Variants in GABRA5 observed in about 807,000 individuals in gnomAD.
The protein encoded by GABRA5 is gamma-aminobutyric acid type A receptor subunit alpha5.
A neutral mutation model predicts 47.3 loss-of-function variants in GABRA5; 18 were observed. The ratio of observed to expected loss-of-function variants is 0.38; its 90% CI spans 0.26 to 0.56. The LOEUF (loss-of-function observed/expected upper bound fraction) is 0.56. Ranked by LOEUF, GABRA5 falls within the 20% of genes least tolerant of loss-of-function variation. The probability of loss-of-function intolerance (pLI) is 0.71; values close to 1 mark genes in which losing one functional copy is unlikely to be tolerated. For synonymous variants in GABRA5, 237 were observed against 229.3 expected (o/e 1.03, Z -0.30); for missense variants, 365 against 599.3 (o/e 0.61, Z 4.08).
chr15:26,943,466 A>T (rs1050457253), intron 10 of GABRA5, 40 bp downstream of exon 10: 6 of 1,515,512 alleles, frequency 4.0e-6, no homozygotes, highest in Non-Finnish European at 5.4e-6. Flanking sequence ...GGTCCCCTTG[A>T]CAGAGAAAGT....
intron 6 of GABRA5, among the ~76,000 whole-genome samples, chr15:26,907,262 C>T (rs556636746): frequency 4.6e-5 from 7 of 152,242 alleles, no homozygotes; most frequent in South Asian, 2.1e-4. Context: ...TAAACCAAAG[C>T]GTGGATCATT....
At chr15:26,940,961 T>C (rs945813993) in intron 9 of GABRA5, among the ~76,000 whole-genome samples, 1 of 152,248 alleles carries the variant, frequency 6.6e-6, no homozygotes. Flanking sequence ...AAAGTACGAT[T>C]CACACATCAG....
chr15:26,941,313 C>A (rs1894378743), intron 9 of GABRA5, among the ~76,000 whole-genome samples: 1 of 151,658 alleles, frequency 6.6e-6, no homozygotes, highest in South Asian at 2.1e-4. Context: ...GGTTTTTTGG[C>A]GGGGGGTGGA....
intron 6 of GABRA5, among the ~76,000 whole-genome samples, chr15:26,890,159 G>A (rs964056020): frequency 2.6e-5 from 4 of 151,996 alleles, no homozygotes; most frequent in African/African-American, 7.3e-5. Flanking sequence ...AAGCACCTAC[G>A]TATATCCTTT....
chr15:26,883,576 C>A lies in GABRA5; in HGVS notation c.497+19C>A. On this transcript the variant is annotated intron_variant, in intron 6 of 10. Coordinates refer to ENST00000335625, the MANE Select transcript of GABRA5 (RefSeq NM_000810.4). This position sits in a 1 kb window ranked among gnomAD's most constrained non-coding sequence, Gnocchi z 4.8. ...CCATGCGGTGAGCGCCGGGCGGGGG[C>A]GGGCGGGGCCGGGGGACGGTGCGGG... 2 of 495,470 alleles carry A rather than the reference C, an allele frequency of 4.0e-6. No homozygotes were observed. Among genetic ancestry groups the A allele is most frequent in the South Asian group, 1.6e-5 (1 of 60,994 alleles). 30.7% of individuals were successfully genotyped at this position (495,470 alleles called of 1,614,324 possible).
chr15:26,947,090 C>G (rs1439252384), intron 10 of GABRA5, among the ~76,000 whole-genome samples: 1 of 152,242 alleles, frequency 6.6e-6, no homozygotes, highest in Admixed American at 6.5e-5. Context: ...TAGGGCTTCC[C>G]TTATATCCAC....
chr15:26,928,995 A>G (rs2140306919), intron 7 of GABRA5, among the ~76,000 whole-genome samples: 1 of 152,264 alleles, frequency 6.6e-6, no homozygotes, highest in Middle Eastern at 3.4e-3. Context: ...TGCTAATGCC[A>G]TCATCTTGGG....
rs925044854 is a variant in GABRA5 at position 26,914,880 on chromosome 15, G to T, written c.575G>T (p.Gly192Val). ...GCGCACGCTTGCCCTCTGAAATTTG[G>T]CAGCTGTAAGTTATTTTCACAAGTA... ...MDAHACPLKFGSYAYPNSEVV... is the reference protein window; with the variant it reads ...MDAHACPLKFVSYAYPNSEVV... Residue 192 changes from glycine (G) to valine (V), a missense_variant, in exon 7 of 11, where the codon GGC becomes GTC. Physicochemically the swap from Gly to Val is moderately radical, Grantham distance 109. This residue lies in a region of GABRA5 where 216 missense variants were observed against 335.3 expected (regional missense o/e 0.64). Transcript: ENST00000335625. 1 of 1,613,472 alleles carries T rather than the reference G, an allele frequency of 6.2e-7. No individual in the cohort carries two copies. The highest frequency in any genetic ancestry group is 1.3e-5 in the African/African-American group (1 of 74,908).
At chr15:26,940,347 A>T (rs1392956473) in intron 9 of GABRA5, among the ~76,000 whole-genome samples, 3 of 152,202 alleles carry the variant, frequency 2.0e-5, no homozygotes, top group African/African-American at 7.2e-5. Context: ...CATTGCCAGC[A>T]TGTATCTGTT....
At chr15:26,937,984 T>G (rs2140582891) in intron 8 of GABRA5, among the ~76,000 whole-genome samples, 1 of 152,356 alleles carries the variant, frequency 6.6e-6, no homozygotes, top group African/African-American at 2.4e-5. Context: ...GGAGGGGATT[T>G]TGAGCTCCAA....
chr15:26,893,279 A>ATATGGCGTGTGTGTT (rs1893066082), intron 6 of GABRA5, among the ~76,000 whole-genome samples: 2 of 141,798 alleles, frequency 1.4e-5, no homozygotes, highest in Non-Finnish European at 3.0e-5. Context: ...GTGTGTGTGT[A>ATATGGCGTGTGTGTT]TGGCATATGG....
intron 8 of GABRA5, among the ~76,000 whole-genome samples, chr15:26,937,808 A>G (rs1022074355): frequency 6.6e-6 from 1 of 152,216 alleles, no homozygotes; most frequent in Admixed American, 6.5e-5. Context: ...TGCAGGGCCA[A>G]TATAGCCCCA....
chr15:26,871,862 T>G (rs1397601250), intron 3 of GABRA5, among the ~76,000 whole-genome samples: 2 of 152,256 alleles, frequency 1.3e-5, no homozygotes, highest in Admixed American at 1.3e-4. Flanking sequence ...TTTCCTGTAG[T>G]GAACGTATTT....
intron 3 of GABRA5, 36 bp downstream of exon 3, chr15:26,869,370 A>G (rs2140239684): frequency 1.6e-6 from 2 of 1,272,530 alleles, no homozygotes; most frequent in Non-Finnish European, 2.3e-6. Context: ...TTATGATGTT[A>G]GGGACACTGG....
chr15:26,870,818 T>G (rs1296042779), intron 3 of GABRA5, among the ~76,000 whole-genome samples: 1 of 152,226 alleles, frequency 6.6e-6, no homozygotes, highest in Non-Finnish European at 1.5e-5. Context: ...GTAGTTGGTT[T>G]GTTTGATATA....
At chr15:26,919,752 A>G (rs539673332) in intron 7 of GABRA5, among the ~76,000 whole-genome samples, 6 of 152,212 alleles carry the variant, frequency 3.9e-5, no homozygotes, top group East Asian at 1.9e-4. Flanking sequence ...TTGTGTTGCT[A>G]TTTAGCATTC....
At chr15:26,934,250 A>T (rs1250288250) in intron 7 of GABRA5, among the ~76,000 whole-genome samples, 2 of 45,114 alleles carry the variant, frequency 4.4e-5, no homozygotes, top group East Asian at 1.6e-3. Context: ...AGAATGTTTA[A>T]AAAAAAAAAA....
At chr15:26,871,767 A>G (rs755316387) in intron 3 of GABRA5, among the ~76,000 whole-genome samples, 6 of 152,328 alleles carry the variant, frequency 3.9e-5, no homozygotes, top group Non-Finnish European at 8.8e-5. Flanking sequence ...AAATGGCTGC[A>G]TATTTGACAG....
chr15:26,892,977 G>T (rs1477869931), intron 6 of GABRA5, among the ~76,000 whole-genome samples: 1 of 150,656 alleles, frequency 6.6e-6, no homozygotes, highest in African/African-American at 2.4e-5. Context: ...GCGCGTGGGG[G>T]GTGTATAGAG....
Sources: gnomAD v4.1 joint callset for allele counts (sites outside exome capture counted in the v4.1 genomes callset) on GRCh38, gnomAD v4.1.1 for gene constraint, gnomAD v4.1.1 regional missense constraint, Gnocchi (gnomAD v3.1) non-coding constraint, MANE v1.5 for transcripts, NCBI Gene and HGNC (gene_info 2026-07-23, HGNC 2026-07-21) for gene names.